Variants in HERC1 observed in about 807,000 individuals in gnomAD.
HERC1 encodes HECT and RLD domain containing E3 ubiquitin protein ligase family member 1.
In HERC1, 160 loss-of-function variants were observed where a neutral mutation model predicts 554.3. The ratio of observed to expected loss-of-function variants is 0.29; its 90% CI spans 0.25 to 0.33. HERC1 has a LOEUF of 0.33. Among genes scored for constraint, HERC1 ranks in the 10% least tolerant of loss-of-function variants. The probability of loss-of-function intolerance (pLI) is 1.00; values close to 1 mark genes in which losing one functional copy is unlikely to be tolerated. For synonymous variants in HERC1, 2,175 were observed against 2,131.7 expected, an observed-to-expected ratio of 1.02 and a Z score of -0.56; for missense variants, 4,919 against 5,918.5, an observed-to-expected ratio of 0.83 and a Z score of 5.54.
chr15:63,617,167 C>T (rs1011031345), intron 74 of HERC1, among the ~76,000 whole-genome samples: 1 of 151,726 alleles, frequency 6.6e-6, no homozygotes, highest in Admixed American at 6.6e-5. Flanking sequence ...CCGCTCCCCT[C>T]ACCCCACAAC....
At chr15:63,635,927 A>G (rs374732664) in intron 65 of HERC1, 34 bp downstream of exon 65, 542 of 1,606,214 alleles carry the variant, frequency 3.4e-4, no homozygotes, top group Non-Finnish European at 4.5e-4. Flanking sequence ...GTATATTTAC[A>G]ATGAAAGGCA....
rs1424092293 is a variant in HERC1, at chr15:63,698,972, G to T, written c.4661C>A (p.Ser1554Tyr). 6.2e-7 allele frequency: 1 copy of T among 1,613,134 alleles called. No homozygotes were observed. The highest frequency in any genetic ancestry group is 8.5e-7 in the Non-Finnish European group (1 of 1,179,172). ...CAGGCGAGCCCAAGAGTCACTCAGGGATTCCAATTGACTGTGCATAGGACC... is the reference window on the plus strand; with the variant it reads ...CAGGCGAGCCCAAGAGTCACTCAGGTATTCCAATTGACTGTGCATAGGACC... ...KRGPMHSQLE[S>Y]LSDSWARLKH... Residue 1554 changes from serine to tyrosine, a missense_variant, in exon 26 of 78, where the codon TCC becomes TAC. Around this residue, in one of 11 missense-constraint regions of HERC1, gnomAD observed 1,121 missense variants for 1,244.0 expected, o/e 0.90. Coordinates refer to ENST00000443617, the MANE Select transcript of HERC1 (RefSeq NM_003922.4).
chr15:63,707,894 A>G (rs1005461506), intron 24 of HERC1, among the ~76,000 whole-genome samples: 23 of 135,548 alleles, frequency 1.7e-4, no homozygotes, highest in Non-Finnish European at 3.4e-4. Flanking sequence ...GTGCCACTGC[A>G]CTCCAGCCCG....
chr15:63,743,241 TTTTTTTTC>T (rs1478346764), intron 12 of HERC1, among the ~76,000 whole-genome samples: 67 of 145,032 alleles, frequency 4.6e-4, no homozygotes, highest in African/African-American at 1.6e-3. Flanking sequence ...TGTATTTTCT[TTTTTTTTC>T]TTTTTTTCTT....
rs1232709932 is a variant in HERC1, at chr15:63,669,593, C to T, written c.8151G>A (p.Arg2717=). 1 of 1,613,850 alleles carries T rather than the reference C, an allele frequency of 6.2e-7. No individual in the cohort carries two copies. The highest frequency in any genetic ancestry group is 2.2e-5 in the East Asian group (1 of 44,882). ...AATCAGGAGAAGTTAAACTTTGCCT[C>T]CTTCCTACTTCATCAGAAGGAGAGG... ...LPTSPSDEVG[R]RQSLTSPDSQ... The change falls in exon 40 of 78, where the codon AGG becomes AGA. Residue 2717 remains arginine (R), a synonymous_variant. Coordinates refer to ENST00000443617, the MANE Select transcript of HERC1 (RefSeq NM_003922.4).
intron 1 of HERC1, among the ~76,000 whole-genome samples, chr15:63,831,451 T>C (rs1051737784): frequency 6.6e-6 from 1 of 152,212 alleles, no homozygotes; most frequent in Non-Finnish European, 1.5e-5. Context: ...CAACAGATTA[T>C]AGTAAGTTTG....
At chr15:63,795,829 G>A (rs1308877922) in intron 1 of HERC1, among the ~76,000 whole-genome samples, 5 of 152,160 alleles carry the variant, frequency 3.3e-5, no homozygotes, top group South Asian at 2.1e-4. Flanking sequence ...TATTTGTCCC[G>A]ACTGGCTAGC....
At chr15:63,744,164 G>GTCTCTCTCTCTCTCTCTC (rs71464534) in intron 12 of HERC1, among the ~76,000 whole-genome samples, 16 of 46,302 alleles carry the variant, frequency 3.5e-4, no homozygotes, top group Admixed American at 7.3e-4. Context: ...GTGTGTGTGT[G>GTCTCTCTCTCTCTCTCTC]TCTCTCTCTC....
chr15:63,828,343 C>CCTTTTTTT (rs1356916510), intron 1 of HERC1, among the ~76,000 whole-genome samples: 2 of 150,874 alleles, frequency 1.3e-5, no homozygotes, highest in Admixed American at 1.3e-4. Flanking sequence ...CAACTTTTTT[C>CCTTTTTTT]CTTTTTTTTT....
rs190530149 is a variant in HERC1 at position 63,758,739 on chromosome 15, T to C, written c.1027-370A>G. ...ATATGTCCTTCCAGAATTGTTCATA[T>C]ACAAATTATTTAACACAGTCACCAC... is the stretch of plus-strand genomic sequence containing the variant. On this transcript the variant is annotated intron_variant, in intron 3 of 77. Transcript: ENST00000443617. This position sits in a 1 kb window ranked among gnomAD's most constrained non-coding sequence, Gnocchi z 4.0. 2.0e-3 allele frequency among the ~76,000 whole-genome samples: 306 copies of C among 152,296 alleles called. 3 individuals are homozygous for C. The highest frequency in any genetic ancestry group is 6.5e-3 in the African/African-American group (272 of 41,566).
Position 63,642,991 on chromosome 15 carries a change from T to C in HERC1, c.11399A>G (p.Glu3800Gly). The C allele has an allele frequency of 1.2e-6, 2 of 1,612,294 alleles. No individual in the cohort carries two copies. Among genetic ancestry groups the C allele is most frequent in the Non-Finnish European group, 1.7e-6 (2 of 1,178,602 alleles). The part of the protein sequence containing the change: ...GAIQTTVWIP[E>G]VGVAACSNRS... ...ATTTGAGCAAGCAGCTACTCCAACT[T>C]CTGGAATCCATACTGTGGTCTGAAT... The change falls in exon 59 of 78, where the codon GAA becomes GGA. Residue 3800 changes from glutamate to glycine, a missense_variant. Physicochemically the swap from Glu to Gly is moderately conservative, Grantham distance 98. Transcript: ENST00000443617.
intron 22 of HERC1, among the ~76,000 whole-genome samples, chr15:63,714,853 C>T (rs775930830): frequency 4.0e-5 from 6 of 151,862 alleles, no homozygotes; most frequent in Admixed American, 6.6e-5. Flanking sequence ...GGCCCAAAGA[C>T]GGTATTCTTA....
intron 1 of HERC1, among the ~76,000 whole-genome samples, chr15:63,790,798 T>G (rs535952035): frequency 4.6e-4 from 69 of 151,602 alleles, no homozygotes; most frequent in Non-Finnish European, 8.1e-4. Context: ...TTTTTAATTC[T>G]CTGTACTTCT....
rs572578600 is a variant in HERC1 at position 63,826,055 on chromosome 15, C to T, written c.-27+7772G>A. On this transcript the variant is annotated intron_variant, in intron 1 of 77. Transcript: ENST00000443617. ...TGGAACTAACAGGTGTGAGCCACCA[C>T]GCCCGGCCAAATAATAATTTCTTAA... 6.6e-5 allele frequency among the ~76,000 whole-genome samples: 10 copies of T among 152,222 alleles called. No individual in the cohort carries two copies. In the South Asian group the frequency reaches 1.0e-3, roughly 16 times the overall value.
In HERC1 at chr15:63,649,749, A is replaced by G. The variant is rs61738787; in HGVS notation, c.10723T>C (p.Leu3575=). ...VDVSTMHRRE[L]EHCYRKDVSV... ...CCATCCTTTCGATAGCAATGCTCCA[A>G]TTCTCGACGGTGCATGGTGGACACA... Residue 3575 remains leucine (L), a synonymous_variant, in exon 54 of 78, where the codon TTG becomes CTG. Transcript: ENST00000443617. The G allele has an allele frequency of 2.4e-3, 3,884 of 1,613,624 alleles. 73 individuals are homozygous for G. In the African/African-American group the frequency reaches 0.046, roughly 19 times the overall value.
intron 12 of HERC1, among the ~76,000 whole-genome samples, chr15:63,744,597 A>G (rs370817607): frequency 7.2e-5 from 11 of 152,214 alleles, no homozygotes; most frequent in East Asian, 3.9e-4. Context: ...CCCTTTCCAA[A>G]GCTAGAGGAG....
rs12102213 is a variant in HERC1 at position 63,712,639 on chromosome 15, G to A, written c.4584+136C>T. The A allele has an allele frequency of 0.47, 300,614 of 637,546 alleles. 75,974 individuals are homozygous for A. Among genetic ancestry groups the A allele is most frequent in the Non-Finnish European group, 0.54 (206,950 of 384,430 alleles). 39.5% of individuals were successfully genotyped at this position (637,546 alleles called of 1,614,324 possible). A position where few individuals can be genotyped will look rare whatever the true frequency, so the allele number is the denominator to read the frequency against. On this transcript the variant is annotated intron_variant, in intron 24 of 77. Coordinates refer to ENST00000443617, the MANE Select transcript of HERC1 (RefSeq NM_003922.4). ...ATGTGGTAAACATATATGCAATATA[G>A]TTATTTCTCTTAAAGTTATTTTTGA...
rs1278105414 is a variant in HERC1 at position 63,666,422 on chromosome 15, T to C, written c.8257A>G (p.Ile2753Val). Residue 2753 changes from isoleucine (I) to valine (V), a missense_variant, in exon 41 of 78, where the codon ATT becomes GTT. Ile to Val is a conservative substitution (Grantham distance 29, BLOSUM62 3). Transcript: ENST00000443617. ...CCCATTTCCAGCAAGGGAACTGCAA[T>C]TGCTGGAGGAGGAGGAGAAGTTGAA... ...RLSTSPPPPA[I>V]AVPLLEMGFS... The C allele has an allele frequency of 1.2e-6, 2 of 1,613,652 alleles. No homozygotes were observed. The highest frequency in any genetic ancestry group is 8.5e-7 in the Non-Finnish European group (1 of 1,179,782).
rs1188515318 is a variant in HERC1 at position 63,612,356 on chromosome 15, G to T, written c.14295C>A (p.Ser4765=). ...TCATGAAAAGCACCCGCTCCTCATTGGAGAACTCTTCCAGCGTGTGCCAGA... is the reference window on the plus strand; with the variant it reads ...TCATGAAAAGCACCCGCTCCTCATTTGAGAACTCTTCCAGCGTGTGCCAGA... ...QWFWHTLEEF[S]NEERVLFMRF... The change falls in exon 77 of 78, where the codon TCC becomes TCA. Residue 4765 remains serine (S), a synonymous_variant. Coordinates refer to ENST00000443617, the MANE Select transcript of HERC1 (RefSeq NM_003922.4). The surrounding 1 kb of genome is among the most constrained non-coding windows in gnomAD (Gnocchi z 5.0). 3.7e-6 allele frequency: 6 copies of T among 1,613,864 alleles called. No individual in the cohort carries two copies. The Admixed American group carries it at 1.0e-4, about 27-fold the overall frequency.
Sources: allele counts gnomAD v4.1 joint callset (sites outside exome capture counted in the v4.1 genomes callset), GRCh38; gene constraint gnomAD v4.1.1; regional missense constraint gnomAD v4.1.1; non-coding constraint Gnocchi (gnomAD v3.1); transcripts MANE v1.5; gene names NCBI Gene and HGNC (gene_info 2026-07-23, HGNC 2026-07-21).